The following BEST3 variants were observed in gnomAD, a reference collection of about 807,000 sequenced individuals.
The protein encoded by BEST3 is bestrophin-3.
Under a neutral mutation model 47.1 loss-of-function variants are expected in BEST3, and 50 were observed. That is an observed-to-expected ratio of 1.06 (90% confidence interval 0.85 to 1.34). The LOEUF (loss-of-function observed/expected upper bound fraction) is 1.34, where lower values mean the gene tolerates loss of function less well. Among genes scored for constraint, BEST3 ranks in the 40% most tolerant of loss-of-function variants. The pLI is 0.00. For synonymous variants in BEST3, 282 were observed against 298.8 expected (o/e 0.94, Z 0.58); for missense variants, 765 against 817.0 (o/e 0.94, Z 0.78).
chr12:69,664,427 CT>C (rs1281126456), intron 9 of BEST3, among the ~76,000 whole-genome samples: 1 of 152,114 alleles, frequency 6.6e-6, no homozygotes, highest in Admixed American at 6.6e-5. Flanking sequence ...GCACTGGGAC[CT>C]CCCCCCGCCA....
At chr12:69,679,842 T>C (rs1163351043) in intron 4 of BEST3, among the ~76,000 whole-genome samples, 1 of 152,014 alleles carries the variant, frequency 6.6e-6, no homozygotes, top group Non-Finnish European at 1.5e-5. Flanking sequence ...GCCCAGGCTA[T>C]AGAGCGAGAC....
intron 5 of BEST3, among the ~76,000 whole-genome samples, chr12:69,678,278 G>A (rs938933670): frequency 1.3e-5 from 2 of 151,944 alleles, no homozygotes; most frequent in African/African-American, 4.8e-5. Flanking sequence ...TTTGATTAAT[G>A]AAAATACTAT....
chr12:69,643,838 A>T (rs899264383), intron 9 of BEST3: 8 of 657,550 alleles, frequency 1.2e-5, no homozygotes, highest in African/African-American at 5.5e-5. Context: ...ACACGTATAC[A>T]GGTGCTTCTC....
chr12:69,672,543 G>A (rs1475827234), intron 8 of BEST3, among the ~76,000 whole-genome samples: 2 of 152,208 alleles, frequency 1.3e-5, no homozygotes, highest in Non-Finnish European at 2.9e-5. Context: ...GCCATTTTAA[G>A]TCACTATTAA....
chr12:69,655,841 C>A (rs1395034943), intron 9 of BEST3, 28 bp from the exon 10 acceptor site: 2 of 1,570,956 alleles, frequency 1.3e-6, no homozygotes, highest in East Asian at 2.3e-5. Context: ...AAGATCCAGG[C>A]AGAGTAGCTT....
chr12:69,657,553 A>T (rs1399328974), intron 9 of BEST3, among the ~76,000 whole-genome samples: 1 of 152,196 alleles, frequency 6.6e-6, no homozygotes, highest in Non-Finnish European at 1.5e-5. Flanking sequence ...TTGAAGAACA[A>T]CTTAAAGCCT....
intron 4 of BEST3, among the ~76,000 whole-genome samples, chr12:69,686,319 T>G (rs1885584089): frequency 6.6e-6 from 1 of 152,164 alleles, no homozygotes. Flanking sequence ...GATCACAGAT[T>G]AAATGATCTG....
chr12:69,650,399 T>A (rs893469072), downstream of BEST3, among the ~76,000 whole-genome samples: 5 of 152,100 alleles, frequency 3.3e-5, no homozygotes, highest in African/African-American at 9.7e-5. Context: ...CAAAAAAGCA[T>A]GCAAAAGTAT....
At chr12:69,670,881 T>C (rs531413476) in intron 9 of BEST3, among the ~76,000 whole-genome samples, 1 of 152,138 alleles carries the variant, frequency 6.6e-6, no homozygotes, top group Non-Finnish European at 1.5e-5. Context: ...TCAGCAAATA[T>C]ACTTAAACTT....
chr12:69,697,582 A>AT (rs1161082166), intron 2 of BEST3, 65 bp downstream of exon 2: 10 of 1,341,324 alleles, frequency 7.5e-6, no homozygotes, highest in East Asian at 5.2e-5. Flanking sequence ...AAAGGTTCAG[A>AT]TTTTTGAGAC....
Position 69,665,832 on chromosome 12 carries a change from G to A in BEST3, c.1100+5596C>T, listed in dbSNP as rs190320900. ...AATTGAGGAATTATATGCGTTTTGG[G>A]TTTGTTTTATTTTTGTTTTTTTAAG... On this transcript the variant is annotated intron_variant, in intron 9 of 9. Coordinates refer to ENST00000330891, the MANE Select transcript of BEST3 (RefSeq NM_032735.3). Among the ~76,000 whole-genome samples the A allele has an allele frequency of 3.4e-4, 52 of 152,074 alleles. 1 individual carries two copies. The highest frequency in any genetic ancestry group is 3.3e-3 in the Admixed American group (50 of 15,276).
At chr12:69,680,824 C>T (rs140651874) in intron 4 of BEST3, among the ~76,000 whole-genome samples, 47 of 152,204 alleles carry the variant, frequency 3.1e-4, no homozygotes, top group African/African-American at 1.1e-3. Context: ...TTTTATACTA[C>T]ATATGTATCT....
intron 9 of BEST3, among the ~76,000 whole-genome samples, chr12:69,657,582 G>A (rs1289015617): frequency 4.6e-5 from 7 of 152,154 alleles, no homozygotes; most frequent in African/African-American, 1.7e-4. Flanking sequence ...AACTACAAAT[G>A]CTCATCATGC....
At chr12:69,686,771 C>CAAAAAAACAAAAACAA (rs1555208492) in intron 4 of BEST3, among the ~76,000 whole-genome samples, 4 of 49,940 alleles carry the variant, frequency 8.0e-5, no homozygotes, top group African/African-American at 1.1e-4. Context: ...GATTCTGCCT[C>CAAAAAAACAAAAACAA]AAAAAAACAA....
At chr12:69,672,741 G>C in intron 8 of BEST3, 144 bp downstream of exon 8, 1 of 610,690 alleles carries the variant, frequency 1.6e-6, no homozygotes, top group Non-Finnish European at 2.8e-6. Context: ...AAGGACCTGA[G>C]ACAGCACAGT....
chr12:69,676,410 C>T (rs1884922303), intron 7 of BEST3, among the ~76,000 whole-genome samples: 1 of 136,468 alleles, frequency 7.3e-6, no homozygotes, highest in Non-Finnish European at 1.6e-5. Context: ...GACTCTGTCT[C>T]AGGGAAAGTA....
chr12:69,694,242 T>C (rs946536961), intron 3 of BEST3, 128 bp downstream of exon 3: 45 of 628,374 alleles, frequency 7.2e-5, no homozygotes, highest in Non-Finnish European at 1.2e-4. Flanking sequence ...TGGATGATTC[T>C]GGTTCTATTG....
intron 4 of BEST3, among the ~76,000 whole-genome samples, chr12:69,686,656 C>T (rs1190846066): frequency 6.6e-6 from 1 of 151,412 alleles, no homozygotes; most frequent in East Asian, 1.9e-4. Context: ...CCTGTAATCC[C>T]AGCTACTTGG....
At chr12:69,671,159 G>A (rs1013660372) in intron 9 of BEST3, among the ~76,000 whole-genome samples, 24 of 151,888 alleles carry the variant, frequency 1.6e-4, no homozygotes, top group Non-Finnish European at 3.1e-4. Flanking sequence ...TTTAATTTTC[G>A]TGAATTAATT....
Sources: gnomAD v4.1 joint callset for allele counts (sites outside exome capture counted in the v4.1 genomes callset) on GRCh38, gnomAD v4.1.1 for gene constraint, MANE v1.5 for transcripts, NCBI Gene and HGNC (gene_info 2026-07-23, HGNC 2026-07-21) for gene names.